The following CDYL2 variants were observed in gnomAD, a reference collection of about 807,000 sequenced individuals.
CDYL2 encodes the protein chromodomain Y like 2, also known as chromodomain Y-like protein 2.
CDYL2 carries 23 observed loss-of-function variants against 49.4 expected under a neutral mutation model. The ratio of observed to expected loss-of-function variants is 0.47; its 90% CI spans 0.34 to 0.66. The LOEUF (loss-of-function observed/expected upper bound fraction) is 0.66. CDYL2 is among the 30% of genes least tolerant of loss of function. The probability of loss-of-function intolerance (pLI) is 0.01; values close to 1 mark genes in which losing one functional copy is unlikely to be tolerated. For synonymous variants in CDYL2, 360 were observed against 268.8 expected (o/e 1.34, Z -3.32); for missense variants, 678 against 656.4 (o/e 1.03, Z -0.36).
rs753617258 is a variant in CDYL2 at position 80,685,030 on chromosome 16, C to G, written c.124G>C (p.Glu42Gln). The change falls in exon 2 of 7, where the codon GAG (glutamate) becomes CAG (glutamine). Residue 42 changes from glutamate (E) to glutamine (Q), a missense_variant. By Grantham distance (29) the Glu-to-Gln change is conservative. Transcript: ENST00000570137. ...YGSTEDTWEP[E>Q]HHLLHCEEFI... ...TCCTCACAGTGCAAGAGGTGGTGCT[C>G]CGGCTCCCACGTGTCCTCGGTGCTC... is the stretch of plus-strand genomic sequence containing the variant. 1.2e-6 allele frequency: 2 copies of G among 1,614,156 alleles called. No individual in the cohort carries two copies. Among genetic ancestry groups the G allele is most frequent in the South Asian group, 2.2e-5 (2 of 91,068 alleles).
At chr16:80,657,613 T>A (rs1908865322) in intron 2 of CDYL2, among the ~76,000 whole-genome samples, 1 of 152,110 alleles carries the variant, frequency 6.6e-6, no homozygotes, top group Admixed American at 6.6e-5. Flanking sequence ...TTCTCATGCA[T>A]CTTATGCTTG....
chr16:80,634,579 G>A (rs532381549), intron 2 of CDYL2, among the ~76,000 whole-genome samples: 2 of 151,990 alleles, frequency 1.3e-5, no homozygotes, highest in Admixed American at 6.6e-5. Flanking sequence ...AAACCAACAC[G>A]ACACATGTAT....
intron 1 of CDYL2, among the ~76,000 whole-genome samples, chr16:80,731,378 C>G (rs2142539202): frequency 6.6e-6 from 1 of 152,102 alleles, no homozygotes; most frequent in East Asian, 1.9e-4. Context: ...AATCCAACAT[C>G]TGAATAACAA....
At chr16:80,615,870 T>G (rs1906804774) in intron 4 of CDYL2, among the ~76,000 whole-genome samples, 1 of 152,128 alleles carries the variant, frequency 6.6e-6, no homozygotes, top group African/African-American at 2.4e-5. Flanking sequence ...CCATCCTCTT[T>G]CTCTCACCTC....
intron 1 of CDYL2, among the ~76,000 whole-genome samples, chr16:80,757,836 C>G (rs116964140): frequency 0.021 from 3,252 of 151,944 alleles, 36 homozygotes; most frequent in Non-Finnish European, 0.031. Context: ...GCCAATTGGC[C>G]TATTATAAAT....
At chr16:80,616,147 C>G (rs561659706) in intron 4 of CDYL2, among the ~76,000 whole-genome samples, 2 of 152,302 alleles carry the variant, frequency 1.3e-5, no homozygotes, top group Admixed American at 1.3e-4. Context: ...CTGAAAGACT[C>G]AGAGTGAAGT....
At chr16:80,613,187 C>A (rs1264230094) in intron 4 of CDYL2, among the ~76,000 whole-genome samples, 1 of 151,948 alleles carries the variant, frequency 6.6e-6, no homozygotes, top group African/African-American at 2.4e-5. Context: ...CTAAGGAAGT[C>A]AACCTGAATG....
chr16:80,720,224 C>T (rs1222239210), intron 1 of CDYL2, among the ~76,000 whole-genome samples: 5 of 152,154 alleles, frequency 3.3e-5, no homozygotes, highest in African/African-American at 9.7e-5. Flanking sequence ...CCTCATGACT[C>T]CCCTCTCTGT....
At chr16:80,749,760 G>C (rs1906065956) in intron 1 of CDYL2, among the ~76,000 whole-genome samples, 1 of 152,016 alleles carries the variant, frequency 6.6e-6, no homozygotes, top group Non-Finnish European at 1.5e-5. Context: ...GCATACATGT[G>C]CATGTGCTAT....
Position 80,632,563 on chromosome 16 carries a change from T to C in CDYL2, c.834+456A>G, listed in dbSNP as rs551552177. Reference sequence around the variant, plus strand: ...CATTTTAAAAGGGTGACATTTATGGTATGTGAAATCAATCTGTCTCAATTA... The same window carrying C: ...CATTTTAAAAGGGTGACATTTATGGCATGTGAAATCAATCTGTCTCAATTA... On this transcript the variant is annotated intron_variant, in intron 3 of 6. Coordinates refer to ENST00000570137, the MANE Select transcript of CDYL2 (RefSeq NM_152342.4). 8.6e-5 allele frequency: 14 copies of C among 163,424 alleles called. 2 individuals carry two copies. The South Asian group carries it at 2.2e-3, about 25-fold the overall frequency. 10.1% of individuals were successfully genotyped at this position (163,424 alleles called of 1,614,324 possible).
In CDYL2 at chr16:80,749,663, T is replaced by C. The variant is rs190986174; in HGVS notation, c.24+54487A>G. On this transcript the variant is annotated intron_variant, in intron 1 of 6. Transcript: ENST00000570137. The stretch of plus-strand genomic sequence containing the variant: ...AAATAAGGACAACAACTCCAACACA[T>C]ACCAAAACTTAAGAATTCAGCTGAA... Among the ~76,000 whole-genome samples, 11 of 152,016 alleles carry C rather than the reference T, an allele frequency of 7.2e-5. No individual in the cohort carries two copies. In the East Asian group the frequency reaches 1.9e-3, roughly 27 times the overall value.
chr16:80,656,624 G>C (rs924383581), intron 2 of CDYL2, among the ~76,000 whole-genome samples: 1 of 152,198 alleles, frequency 6.6e-6, no homozygotes. Context: ...AGCGTACAAA[G>C]GAGTATTTCC....
chr16:80,630,297 G>C (rs2142388411), intron 3 of CDYL2, among the ~76,000 whole-genome samples: 1 of 152,334 alleles, frequency 6.6e-6, no homozygotes, highest in Middle Eastern at 3.4e-3. Context: ...GTGAGAACCT[G>C]TGCACCTTAA....
chr16:80,708,606 A>G (rs975275726), intron 1 of CDYL2, among the ~76,000 whole-genome samples: 1 of 152,230 alleles, frequency 6.6e-6, no homozygotes, highest in African/African-American at 2.4e-5. Flanking sequence ...GATGAGGCTC[A>G]GAAAGGATTT....
chr16:80,674,123 T>C (rs576712558), intron 2 of CDYL2, among the ~76,000 whole-genome samples: 60 of 152,282 alleles, frequency 3.9e-4, no homozygotes, highest in African/African-American at 1.4e-3. Flanking sequence ...ACAGCAGCCA[T>C]AGGGAACTAA....
intron 1 of CDYL2, among the ~76,000 whole-genome samples, chr16:80,766,668 C>G (rs1015483741): frequency 6.6e-6 from 1 of 152,140 alleles, no homozygotes; most frequent in African/African-American, 2.4e-5. Context: ...TGAGATGACA[C>G]AACTAATAAC....
intron 1 of CDYL2, among the ~76,000 whole-genome samples, chr16:80,792,705 C>A (rs570662315): frequency 3.9e-5 from 6 of 152,128 alleles, no homozygotes. Flanking sequence ...AGGAGTATCA[C>A]GTATCCACCC....
chr16:80,754,982 C>A (rs1300961772), intron 1 of CDYL2, among the ~76,000 whole-genome samples: 1 of 152,030 alleles, frequency 6.6e-6, no homozygotes, highest in Non-Finnish European at 1.5e-5. Flanking sequence ...GGGCAGTCAC[C>A]CACCAACAAA....
chr16:80,606,179 G>A (rs1288271264), intron 6 of CDYL2, among the ~76,000 whole-genome samples: 1 of 152,250 alleles, frequency 6.6e-6, no homozygotes, highest in Non-Finnish European at 1.5e-5. Context: ...GTGGTGGGAT[G>A]AGCTGCCAGA....
Sources: gnomAD v4.1 joint callset for allele counts (sites outside exome capture counted in the v4.1 genomes callset) on GRCh38, gnomAD v4.1.1 for gene constraint, MANE v1.5 for transcripts, NCBI Gene and HGNC (gene_info 2026-07-23, HGNC 2026-07-21) for gene names.